The following MYH9 variants were observed in gnomAD, a reference collection of about 807,000 sequenced individuals.
MYH9 encodes the protein myosin-9.
A neutral mutation model predicts 241.9 loss-of-function variants in MYH9; 29 were observed. The observed-to-expected ratio is 0.12, with a 90% CI of 0.09 to 0.16. The LOEUF (loss-of-function observed/expected upper bound fraction) is 0.16. Ranked by LOEUF, MYH9 falls within the 10% of genes least tolerant of loss-of-function variation. The probability of loss-of-function intolerance (pLI) is 1.00; values close to 1 mark genes in which losing one functional copy is unlikely to be tolerated. For synonymous variants in MYH9, 1,047 were observed against 1,062.6 expected, an observed-to-expected ratio of 0.99 and a Z score of 0.29; for missense variants, 1,803 against 2,595.5, an observed-to-expected ratio of 0.69 and a Z score of 6.63.
chr22:36,360,620 G>A (rs1157799608), intron 1 of MYH9, among the ~76,000 whole-genome samples: 2 of 151,844 alleles, frequency 1.3e-5, no homozygotes, highest in East Asian at 3.9e-4. Flanking sequence ...GGCTGAGGCA[G>A]GAGAATGGCG....
At chr22:36,302,334 G>C in intron 20 of MYH9, 1 of 470,298 alleles carries the variant, frequency 2.1e-6, no homozygotes. Context: ...GGGCAAGATA[G>C]TGAGACCTTG....
intron 1 of MYH9, among the ~76,000 whole-genome samples, chr22:36,368,536 A>T (rs2031629797): frequency 6.6e-6 from 1 of 152,156 alleles, no homozygotes; most frequent in African/African-American, 2.4e-5. Context: ...CAGGAAGGAG[A>T]AGCGCAGAGG....
rs1478233597 is a variant in MYH9 at position 36,282,718 on chromosome 22, C to T, written c.5833G>A (p.Glu1945Lys). Reference sequence around the variant, plus strand: ...CCATCCGCTTTGCCATCTACCTCTTCGTCGGAGCCATCCCCGGCGCCTTTC... The same window carrying T: ...CCATCCGCTTTGCCATCTACCTCTTTGTCGGAGCCATCCCCGGCGCCTTTC... Reference protein sequence around the residue: ...ARKGAGDGSDEEVDGKADGAE... With the variant: ...ARKGAGDGSDKEVDGKADGAE... Residue 1945 changes from glutamate (E) to lysine (K), a missense_variant, in exon 41 of 41, where the codon GAA becomes AAA. By Grantham distance (56) the Glu-to-Lys change is moderately conservative (BLOSUM62 1). Coordinates refer to ENST00000216181, the MANE Select transcript of MYH9 (RefSeq NM_002473.6). 3.7e-6 allele frequency: 6 copies of T among 1,613,896 alleles called. No individual in the cohort carries two copies. Among genetic ancestry groups the T allele is most frequent in the Non-Finnish European group, 3.4e-6 (4 of 1,180,050 alleles).
intron 1 of MYH9, among the ~76,000 whole-genome samples, chr22:36,383,528 C>T (rs944250758): frequency 6.6e-6 from 1 of 152,160 alleles, no homozygotes; most frequent in Non-Finnish European, 1.5e-5. Flanking sequence ...CCACAATACA[C>T]GCATACCTTG....
At chr22:36,354,020 C>A (rs1443188783) in intron 1 of MYH9, among the ~76,000 whole-genome samples, 1 of 152,086 alleles carries the variant, frequency 6.6e-6, no homozygotes, top group Non-Finnish European at 1.5e-5. Flanking sequence ...CCCACCTCAG[C>A]CTCCCGAGTA....
chr22:36,377,871 A>T (rs1391083728), intron 1 of MYH9, among the ~76,000 whole-genome samples: 1 of 152,204 alleles, frequency 6.6e-6, no homozygotes, highest in African/African-American at 2.4e-5. Flanking sequence ...AGATGGTGCC[A>T]CTGCAGTCCA....
At position 36,305,968 on chromosome 22, in the gene MYH9, G is replaced by C; in HGVS notation, c.2121C>G (p.Gly707=). The C allele has an allele frequency of 6.2e-7, 1 of 1,613,506 alleles. No individual in the cohort carries two copies. Among genetic ancestry groups the C allele is most frequent in the South Asian group, 1.1e-5 (1 of 91,088 alleles). The change falls in exon 17 of 41, where the codon GGC becomes GGG. Residue 707 remains glycine, a synonymous_variant. Coordinates refer to ENST00000216181, the MANE Select transcript of MYH9 (RefSeq NM_002473.6). This position sits in a 1 kb window ranked among gnomAD's most constrained non-coding sequence, Gnocchi z 4.7. ...VLEGIRICRQ[G]FPNRVVFQEF... ...CCTGGAAGACCACCCTGTTGGGGAA[G>C]CCCTGGCGGCAGATACGGATGCCCT...
intron 15 of MYH9, among the ~76,000 whole-genome samples, chr22:36,307,375 G>A (rs188061903): frequency 6.6e-6 from 1 of 152,266 alleles, no homozygotes; most frequent in Admixed American, 6.5e-5. Context: ...AAACAAACAA[G>A]CCAAACCAAA....
intron 3 of MYH9, 113 bp downstream of exon 3, chr22:36,341,257 A>G (rs1706157430): frequency 2.9e-6 from 4 of 1,389,750 alleles, no homozygotes; most frequent in Non-Finnish European, 4.0e-6. Context: ...TGCACTGCCC[A>G]TCACCAGCCA....
In MYH9 at chr22:36,351,863, C is replaced by T. The variant is rs190450933; in HGVS notation, c.-19-2608G>A. 1.6e-4 allele frequency among the ~76,000 whole-genome samples: 25 copies of T among 152,180 alleles called. No individual in the cohort carries two copies. In the East Asian group the frequency reaches 3.9e-3, roughly 24 times the overall value. The stretch of plus-strand genomic sequence containing the variant: ...ATGAACGCATCTGAGGACATCGGTG[C>T]CCCTCACGAGACTCCTACCGAGAGC... On this transcript the variant is annotated intron_variant, in intron 1 of 40. Transcript: ENST00000216181.
chr22:36,328,276 T>C (rs1799555679), intron 3 of MYH9, among the ~76,000 whole-genome samples: 1 of 152,182 alleles, frequency 6.6e-6, no homozygotes, highest in South Asian at 2.1e-4. Context: ...AGGTTATAAA[T>C]ACCCACCCTC....
At chr22:36,357,043 T>C (rs901127652) in intron 1 of MYH9, among the ~76,000 whole-genome samples, 1 of 152,240 alleles carries the variant, frequency 6.6e-6, no homozygotes, top group Non-Finnish European at 1.5e-5. Flanking sequence ...CAGCATGTAT[T>C]CCTTAAATAC....
intron 20 of MYH9, among the ~76,000 whole-genome samples, chr22:36,301,953 C>G (rs2016885009): frequency 6.6e-6 from 1 of 152,076 alleles, no homozygotes; most frequent in Non-Finnish European, 1.5e-5. Flanking sequence ...TGAAAAAGTA[C>G]CCAGATAATG....
chr22:36,316,257 C>T (rs988528148), intron 12 of MYH9, among the ~76,000 whole-genome samples: 1 of 151,742 alleles, frequency 6.6e-6, no homozygotes, highest in African/African-American at 2.4e-5. Context: ...TGGTCTCAAA[C>T]TCCTGACCTC....
At position 36,293,223 on chromosome 22, in the gene MYH9, C is replaced by A. The variant is rs1201459889; in HGVS notation, c.4095+106G>T. On this transcript the variant is annotated intron_variant, in intron 30 of 40. Transcript: ENST00000216181. The surrounding 1 kb of genome is among the most constrained non-coding windows in gnomAD (Gnocchi z 5.1). ...GGTTGGCTTCCCAGGGGGAGAGCAG[C>A]AATGGGCCGGCCCAGCGGGCAGGGC... 12 of 1,466,118 alleles carry A rather than the reference C, an allele frequency of 8.2e-6. No homozygotes were observed. The highest frequency in any genetic ancestry group is 1.1e-5 in the Non-Finnish European group (12 of 1,066,166). The allele number at this position is 1,466,118 out of a possible 1,614,324, so 90.8% of individuals were successfully genotyped here. A position where few individuals can be genotyped will look rare whatever the true frequency, so the allele number is the denominator to read the frequency against.
intron 1 of MYH9, among the ~76,000 whole-genome samples, chr22:36,361,010 C>T (rs1391193386): frequency 3.3e-5 from 5 of 152,302 alleles, no homozygotes; most frequent in African/African-American, 1.2e-4. Context: ...CAGTTATCTA[C>T]AGGGTGGGTC....
chr22:36,369,516 G>T (rs2018060397), intron 1 of MYH9, among the ~76,000 whole-genome samples: 1 of 152,192 alleles, frequency 6.6e-6, no homozygotes. Context: ...AGGGAGGACA[G>T]CAAAAACCCA....
Position 36,306,255 on chromosome 22 carries a change from G to C in MYH9, c.2037+159C>G, listed in dbSNP as rs1393276884. 6.6e-6 allele frequency among the ~76,000 whole-genome samples: 1 copy of C among 152,134 alleles called. No homozygotes were observed. Among genetic ancestry groups the C allele is most frequent in the African/African-American group, 2.4e-5 (1 of 41,436 alleles). ...AGGAAGTGCAGGCTGTGAATGTAGC[G>C]TATCTCCTAAGCGAGCCAAGGCCCA... On this transcript the variant is annotated intron_variant, in intron 16 of 40. Transcript: ENST00000216181. The surrounding 1 kb of genome is among the most constrained non-coding windows in gnomAD (Gnocchi z 4.1).
chr22:36,286,408 G>A (rs568084285), intron 35 of MYH9, among the ~76,000 whole-genome samples: 3 of 152,264 alleles, frequency 2.0e-5, no homozygotes, highest in South Asian at 2.1e-4. Context: ...CAGGTGCGAC[G>A]GGCAGGGCGG....
Sources: gnomAD v4.1 joint callset for allele counts (sites outside exome capture counted in the v4.1 genomes callset) on GRCh38, gnomAD v4.1.1 for gene constraint, Gnocchi (gnomAD v3.1) non-coding constraint, MANE v1.5 for transcripts, NCBI Gene and HGNC (gene_info 2026-07-23, HGNC 2026-07-21) for gene names.